Variants in FCHSD2 observed in about 807,000 individuals in gnomAD.
The protein encoded by FCHSD2 is F-BAR and double SH3 domains protein 2.
FCHSD2 carries 38 observed loss-of-function variants against 108.1 expected under a neutral mutation model. The observed-to-expected ratio is 0.35, with a 90% confidence interval of 0.27 to 0.46. FCHSD2 has a LOEUF of 0.46. Among genes scored for constraint, FCHSD2 ranks in the 20% least tolerant of loss-of-function variants. The pLI, the probability that FCHSD2 is intolerant of heterozygous loss-of-function variation, is 1.00. For missense variants in FCHSD2, 751 were observed against 897.8 expected, an observed-to-expected ratio of 0.84 and a Z score of 2.09; for synonymous variants, 279 against 314.7, an observed-to-expected ratio of 0.89 and a Z score of 1.20.
intron 2 of FCHSD2, among the ~76,000 whole-genome samples, chr11:73,115,458 T>G (rs1223795991): frequency 6.6e-6 from 1 of 152,152 alleles, no homozygotes; most frequent in Non-Finnish European, 1.5e-5. Context: ...GCCCGCCCTA[T>G]CTCACTGTTT....
intron 2 of FCHSD2, among the ~76,000 whole-genome samples, chr11:73,137,949 T>C (rs1478521442): frequency 6.6e-6 from 1 of 152,230 alleles, no homozygotes; most frequent in Non-Finnish European, 1.5e-5. Flanking sequence ...GAGTGATCTA[T>C]AATAATGTTT....
At chr11:73,052,359 G>A (rs949362672) in intron 3 of FCHSD2, among the ~76,000 whole-genome samples, 3 of 152,114 alleles carry the variant, frequency 2.0e-5, no homozygotes, top group Admixed American at 2.0e-4. Context: ...TTACTCCAGA[G>A]TGTAAATCAA....
intron 13 of FCHSD2, among the ~76,000 whole-genome samples, chr11:72,856,731 T>C (rs1861437370): frequency 1.3e-5 from 2 of 152,218 alleles, no homozygotes; most frequent in Admixed American, 6.5e-5. Context: ...TCTCACATGA[T>C]ACTGAGTCTT....
At chr11:72,901,862 C>T (rs1197176963) in intron 10 of FCHSD2, among the ~76,000 whole-genome samples, 1 of 151,200 alleles carries the variant, frequency 6.6e-6, no homozygotes, top group African/African-American at 2.5e-5. Context: ...TAATTCTATT[C>T]TGGTTTTTTT....
At chr11:72,875,788 G>A (rs1490277488) in intron 12 of FCHSD2, among the ~76,000 whole-genome samples, 1 of 152,200 alleles carries the variant, frequency 6.6e-6, no homozygotes, top group South Asian at 2.1e-4. Flanking sequence ...CATGTGATTT[G>A]CTTTGGCTAG....
intron 14 of FCHSD2, among the ~76,000 whole-genome samples, chr11:72,844,324 A>T (rs1327969427): frequency 6.6e-6 from 1 of 152,172 alleles, no homozygotes; most frequent in Non-Finnish European, 1.5e-5. Flanking sequence ...ATTGATCTGG[A>T]ATCACTGTAA....
At chr11:72,888,033 T>C (rs1218931204) in intron 11 of FCHSD2, among the ~76,000 whole-genome samples, 2 of 152,172 alleles carry the variant, frequency 1.3e-5, no homozygotes, top group African/African-American at 2.4e-5. Context: ...AGGCCCAATG[T>C]TGAAGATGTT....
In FCHSD2 at chr11:73,025,980, TAG is replaced by T. The variant is rs1448403935; in HGVS notation, c.166-10097_166-10096del. Among the ~76,000 whole-genome samples, 8 of 151,142 alleles carry T rather than the reference TAG, an allele frequency of 5.3e-5. No individual in the cohort carries two copies. In the East Asian group the frequency reaches 1.6e-3, roughly 29 times the overall value. ...GCTCCATGTTTTGACTAAAGAATTA[TAG>T]AGATTCATTTTATGTATGTATGTAT... is the stretch of plus-strand genomic sequence containing the variant. On this transcript the variant is annotated intron_variant, in intron 3 of 19. Coordinates refer to ENST00000409418, the MANE Select transcript of FCHSD2 (RefSeq NM_014824.3).
At chr11:73,077,108 A>AG (rs1565399054) in intron 3 of FCHSD2, among the ~76,000 whole-genome samples, 1 of 150,800 alleles carries the variant, frequency 6.6e-6, no homozygotes, top group Non-Finnish European at 1.5e-5. Flanking sequence ...AAAAAAAAAA[A>AG]AAAAAGAAAA....
intron 3 of FCHSD2, among the ~76,000 whole-genome samples, chr11:73,056,343 T>G (rs560767483): frequency 6.6e-6 from 1 of 152,314 alleles, no homozygotes; most frequent in East Asian, 1.9e-4. Flanking sequence ...TGCTAATTGA[T>G]GTACAGGAGT....
chr11:72,862,814 G>A (rs989955232), intron 13 of FCHSD2, among the ~76,000 whole-genome samples: 1 of 152,110 alleles, frequency 6.6e-6, no homozygotes, highest in Admixed American at 6.6e-5. Context: ...ACTACCTGAA[G>A]TCATGACTTA....
At chr11:72,839,650 C>T (rs187003149) in intron 19 of FCHSD2, among the ~76,000 whole-genome samples, 9 of 151,956 alleles carry the variant, frequency 5.9e-5, no homozygotes, top group African/African-American at 1.9e-4. Context: ...GATGGGGGTT[C>T]CATTTACCAA....
chr11:73,025,080 T>C (rs757048565), intron 3 of FCHSD2, among the ~76,000 whole-genome samples: 1 of 152,150 alleles, frequency 6.6e-6, no homozygotes, highest in Non-Finnish European at 1.5e-5. Flanking sequence ...AAGACTGTCA[T>C]GATTCCTCAA....
intron 2 of FCHSD2, among the ~76,000 whole-genome samples, chr11:73,088,666 GT>G (rs1325732166): frequency 6.6e-6 from 1 of 151,872 alleles, no homozygotes; most frequent in African/African-American, 2.4e-5. Flanking sequence ...CACTCATGTT[GT>G]TTTTCTAAAA....
At chr11:72,888,282 T>C (rs943383402) in intron 11 of FCHSD2, among the ~76,000 whole-genome samples, 1 of 152,200 alleles carries the variant, frequency 6.6e-6, no homozygotes, top group Non-Finnish European at 1.5e-5. Context: ...AGACATGGAA[T>C]TGTTAATTGT....
chr11:73,055,709 A>G (rs918333945), intron 3 of FCHSD2, among the ~76,000 whole-genome samples: 7 of 152,236 alleles, frequency 4.6e-5, no homozygotes, highest in Admixed American at 3.9e-4. Flanking sequence ...TTTGAAAACC[A>G]TTATTTAAAC....
At chr11:72,872,781 T>G (rs1025004476) in intron 12 of FCHSD2, among the ~76,000 whole-genome samples, 1 of 152,222 alleles carries the variant, frequency 6.6e-6, no homozygotes, top group African/African-American at 2.4e-5. Flanking sequence ...AGTGTGGACA[T>G]GTTTTCACTT....
At chr11:72,885,591 G>GCAT (rs947954027) in intron 12 of FCHSD2, among the ~76,000 whole-genome samples, 5 of 152,124 alleles carry the variant, frequency 3.3e-5, no homozygotes, top group Non-Finnish European at 5.9e-5. Flanking sequence ...GTGATACCAT[G>GCAT]CATGGGGTCT....
chr11:73,043,500 C>A (rs1370355312), intron 3 of FCHSD2, among the ~76,000 whole-genome samples: 2 of 152,284 alleles, frequency 1.3e-5, no homozygotes, highest in East Asian at 3.9e-4. Context: ...AAATTACATA[C>A]AACTTTTATT....
Sources: gnomAD v4.1 joint callset for allele counts (sites outside exome capture counted in the v4.1 genomes callset) on GRCh38, gnomAD v4.1.1 for gene constraint, MANE v1.5 for transcripts, NCBI Gene and HGNC (gene_info 2026-07-23, HGNC 2026-07-21) for gene names.